CCBE1: variants seen among roughly 807,000 people sequenced by gnomAD.
CCBE1 encodes the protein collagen and calcium-binding EGF domain-containing protein 1.
A neutral mutation model predicts 50.0 loss-of-function variants in CCBE1; 37 were observed. The observed-to-expected ratio is 0.74, with a 90% confidence interval of 0.57 to 0.97. The LOEUF (loss-of-function observed/expected upper bound fraction) is 0.97, where lower values mean the gene tolerates loss of function less well. Ranked by LOEUF, CCBE1 falls within the 50% of genes least tolerant of loss-of-function variation. CCBE1 has a pLI of 0.00. For missense variants in CCBE1, 538 were observed against 523.8 expected (o/e 1.03, Z -0.26); for synonymous variants, 234 against 203.7 (o/e 1.15, Z -1.27).
intron 2 of CCBE1, among the ~76,000 whole-genome samples, chr18:59,481,015 A>T (rs181310469): frequency 2.0e-5 from 3 of 152,330 alleles, no homozygotes; most frequent in African/African-American, 7.2e-5. Flanking sequence ...TCAATGCTGC[A>T]ATCTCCAAAA....
chr18:59,623,640 G>A lies in CCBE1; in HGVS notation c.212+72989C>T, dbSNP rs929923473. On this transcript the variant is annotated intron_variant, in intron 2 of 10. Coordinates refer to ENST00000439986, the MANE Select transcript of CCBE1 (RefSeq NM_133459.4). Reference sequence around the variant, plus strand: ...AACTCTCACAAGTCTTATCCTGTACGTGCTAGGAGACCCTTGCTACAGATC... The same window carrying A: ...AACTCTCACAAGTCTTATCCTGTACATGCTAGGAGACCCTTGCTACAGATC... 5.3e-5 allele frequency among the ~76,000 whole-genome samples: 8 copies of A among 152,284 alleles called. No individual in the cohort carries two copies. In the East Asian group the frequency reaches 9.6e-4, roughly 18 times the overall value.
chr18:59,495,850 T>TG (rs1206091050), intron 2 of CCBE1, among the ~76,000 whole-genome samples: 2 of 152,184 alleles, frequency 1.3e-5, no homozygotes, highest in Admixed American at 6.5e-5. Flanking sequence ...TAATGACCTC[T>TG]GGACAAACCT....
At position 59,645,986 on chromosome 18, in the gene CCBE1, G is replaced by C. The variant is rs2054050662; in HGVS notation, c.212+50643C>G. ...ACGGAGCTTGCAGTGAGCCGAGATT[G>C]CGCCACTGCAGTCCAGCCTCCTGGG... On this transcript the variant is annotated intron_variant, in intron 2 of 10. Transcript: ENST00000439986. Among the ~76,000 whole-genome samples the C allele has an allele frequency of 2.0e-5, 3 of 152,022 alleles. No homozygotes were observed. In the South Asian group the frequency reaches 6.2e-4, roughly 32 times the overall value.
intron 2 of CCBE1, among the ~76,000 whole-genome samples, chr18:59,541,111 G>T (rs1598993579): frequency 6.6e-6 from 1 of 152,204 alleles, no homozygotes; most frequent in East Asian, 1.9e-4. Flanking sequence ...ATCGGTTAGA[G>T]TAGCCATAAT....
In CCBE1 at chr18:59,648,410, A is replaced by G. The variant is rs74658158; in HGVS notation, c.212+48219T>C. On this transcript the variant is annotated intron_variant, in intron 2 of 10. Coordinates refer to ENST00000439986, the MANE Select transcript of CCBE1 (RefSeq NM_133459.4). ...AACCCTTTAGCTGATGAGTTTGTAA[A>G]CACAGGTATCAGCAGCCAGGCATGG... Among the ~76,000 whole-genome samples the G allele has an allele frequency of 2.6e-5, 4 of 152,336 alleles. No homozygotes were observed. The East Asian group carries it at 5.8e-4, about 22-fold the overall frequency.
chr18:59,664,857 G>A (rs1277628943), intron 2 of CCBE1, among the ~76,000 whole-genome samples: 1 of 152,146 alleles, frequency 6.6e-6, no homozygotes, highest in Admixed American at 6.5e-5. Flanking sequence ...TATAAAATAG[G>A]CAAATGCTGG....
At chr18:59,651,605 C>T (rs528759070) in intron 2 of CCBE1, among the ~76,000 whole-genome samples, 3 of 152,298 alleles carry the variant, frequency 2.0e-5, no homozygotes, top group African/African-American at 4.8e-5. Context: ...TGAGATGGAA[C>T]GTGATTGACA....
intron 2 of CCBE1, among the ~76,000 whole-genome samples, chr18:59,646,693 A>C (rs984071735): frequency 3.9e-5 from 6 of 152,348 alleles, no homozygotes; most frequent in African/African-American, 1.4e-4. Context: ...ACTCCCCATA[A>C]AATCTCTCAG....
At chr18:59,563,163 A>T (rs940779546) in intron 2 of CCBE1, among the ~76,000 whole-genome samples, 8 of 152,220 alleles carry the variant, frequency 5.3e-5, no homozygotes, top group African/African-American at 1.9e-4. Flanking sequence ...GTAAAGGTAC[A>T]GGTCCAGGCA....
chr18:59,451,419 G>C (rs1197619132), intron 6 of CCBE1, among the ~76,000 whole-genome samples: 1 of 102,956 alleles, frequency 9.7e-6, no homozygotes, highest in Non-Finnish European at 1.8e-5. Context: ...CCTGCTGCCA[G>C]AACACAAGCA....
At chr18:59,514,816 T>C (rs935371541) in intron 2 of CCBE1, among the ~76,000 whole-genome samples, 3 of 151,014 alleles carry the variant, frequency 2.0e-5, no homozygotes, top group Admixed American at 1.3e-4. Flanking sequence ...ACATTTTAAG[T>C]TTTTTTTTGG....
At chr18:59,628,109 G>A (rs936610957) in intron 2 of CCBE1, among the ~76,000 whole-genome samples, 1 of 152,134 alleles carries the variant, frequency 6.6e-6, no homozygotes, top group South Asian at 2.1e-4. Context: ...AGCTACTCGG[G>A]AGGCTGAGGT....
Position 59,608,814 on chromosome 18 carries a change from C to G in CCBE1, c.212+87815G>C, listed in dbSNP as rs74960425. Among the ~76,000 whole-genome samples, 20 of 152,340 alleles carry G rather than the reference C, an allele frequency of 1.3e-4. No homozygotes were observed. The East Asian group carries it at 3.9e-3, about 29-fold the overall frequency. On this transcript the variant is annotated intron_variant, in intron 2 of 10. Coordinates refer to ENST00000439986, the MANE Select transcript of CCBE1 (RefSeq NM_133459.4). ...TCAAAATAAAAGATTTTCCTCAAAT[C>G]TACACATTAGATCCTTGCTGCCCAT...
intron 2 of CCBE1, among the ~76,000 whole-genome samples, chr18:59,490,387 C>CTTG (rs1555683069): frequency 7.1e-6 from 1 of 141,794 alleles, no homozygotes; most frequent in Non-Finnish European, 1.5e-5. Flanking sequence ...GATATTCCCC[C>CTTG]TTTTTTTTTT....
chr18:59,590,966 C>CA, intron 2 of CCBE1, among the ~76,000 whole-genome samples: 1 of 40,666 alleles, frequency 2.5e-5, no homozygotes, highest in Non-Finnish European at 4.2e-5. Flanking sequence ...CTAAGTAGGC[C>CA]GGGCGCGGTG....
chr18:59,448,112 A>G lies in CCBE1; in HGVS notation c.655-9T>C. The G allele has an allele frequency of 6.2e-7, 1 of 1,613,624 alleles. No individual in the cohort carries two copies. The highest frequency in any genetic ancestry group is 8.5e-7 in the Non-Finnish European group (1 of 1,179,978). On this transcript the variant is annotated splice_polypyrimidine_tract_variant and intron_variant, in intron 6 of 10. Coordinates refer to ENST00000439986, the MANE Select transcript of CCBE1 (RefSeq NM_133459.4). ...TTGGGGAGCAGAGCAATCTGCAAGG[A>G]GAAGAGGAAGCCTCAGTCAGGAAGC...
intron 2 of CCBE1, among the ~76,000 whole-genome samples, chr18:59,497,095 A>G (rs1444098891): frequency 6.6e-6 from 1 of 152,240 alleles, no homozygotes; most frequent in East Asian, 1.9e-4. Flanking sequence ...CACCTACTAT[A>G]TAATACATGT....
chr18:59,487,186 A>C (rs1912863925), intron 2 of CCBE1, among the ~76,000 whole-genome samples: 1 of 150,472 alleles, frequency 6.6e-6, no homozygotes, highest in South Asian at 2.1e-4. Context: ...CTTCCGAGAC[A>C]TAAAAACTGG....
chr18:59,651,802 G>A (rs1182935496), intron 2 of CCBE1, among the ~76,000 whole-genome samples: 1 of 152,240 alleles, frequency 6.6e-6, no homozygotes, highest in Non-Finnish European at 1.5e-5. Flanking sequence ...GGAAAGGGAA[G>A]TGGAAAGCCA....
Sources: gnomAD v4.1 joint callset for allele counts (sites outside exome capture counted in the v4.1 genomes callset) on GRCh38, gnomAD v4.1.1 for gene constraint, MANE v1.5 for transcripts, NCBI Gene and HGNC (gene_info 2026-07-23, HGNC 2026-07-21) for gene names.